SMARCA2: variants seen among roughly 807,000 people sequenced by gnomAD.
SMARCA2 encodes the protein SWI/SNF related BAF chromatin remodeling complex subunit ATPase 2, also known as SWI/SNF-related matrix-associated actin-dependent regulator of chromatin subfamily A member 2.
In SMARCA2, 61 loss-of-function variants were observed where a neutral mutation model predicts 199.8. The observed-to-expected ratio is 0.31, with a 90% CI of 0.25 to 0.38. SMARCA2 has a LOEUF of 0.38. Ranked by LOEUF, SMARCA2 falls within the 10% of genes least tolerant of loss-of-function variation. The pLI is 1.00. For synonymous variants in SMARCA2, 935 were observed against 732.0 expected, an observed-to-expected ratio of 1.28 and a Z score of -4.48; for missense variants, 1,344 against 2,012.2, an observed-to-expected ratio of 0.67 and a Z score of 6.35.
In SMARCA2 at chr9:2,161,569, T is replaced by G; in HGVS notation, c.3982-117T>G. 2.8e-6 allele frequency: 2 copies of G among 702,158 alleles called. No individual in the cohort carries two copies. Among genetic ancestry groups the G allele is most frequent in the Non-Finnish European group, 2.4e-6 (1 of 421,464 alleles). The allele number at this position is 702,158 out of a possible 1,614,324, so 43.5% of individuals were successfully genotyped here. ...ATTACTGTTAACTTTTACTTTTTTT[T>G]GGTTAATTTCTTTCATTTTATTCTA... On this transcript the variant is annotated intron_variant, in intron 27 of 33. Coordinates refer to ENST00000349721, the MANE Select transcript of SMARCA2 (RefSeq NM_003070.5). The surrounding 1 kb of genome is among the most constrained non-coding windows in gnomAD (Gnocchi z 4.7).
intron 27 of SMARCA2, chr9:2,159,674 C>T (rs1298080556): frequency 9.8e-7 from 1 of 1,025,386 alleles, no homozygotes; most frequent in African/African-American, 1.6e-5. Flanking sequence ...AAGGAGGAAG[C>T]CTTCGGGCCT....
At chr9:2,145,675 A>G (rs2130701692) in intron 27 of SMARCA2, among the ~76,000 whole-genome samples, 1 of 152,350 alleles carries the variant, frequency 6.6e-6, no homozygotes, top group East Asian at 1.9e-4. Flanking sequence ...TTAGTGTTCC[A>G]TAAATGGATA....
chr9:2,106,243 T>C (rs988897623), intron 23 of SMARCA2, among the ~76,000 whole-genome samples: 2 of 152,224 alleles, frequency 1.3e-5, no homozygotes, highest in Admixed American at 1.3e-4. Flanking sequence ...AGCTGAGTTT[T>C]AGCAGATCCA....
At chr9:2,077,601 T>A in intron 13 of SMARCA2, 28 bp from the exon 14 acceptor site, 2 of 1,607,434 alleles carry the variant, frequency 1.2e-6, no homozygotes, top group Non-Finnish European at 1.7e-6. Flanking sequence ...CATGTCTGTG[T>A]GTGATTCTCC....
At chr9:2,027,408 C>G (rs1221108047) in intron 1 of SMARCA2, among the ~76,000 whole-genome samples, 2 of 151,820 alleles carry the variant, frequency 1.3e-5, no homozygotes, top group African/African-American at 2.4e-5. Context: ...CTACTGTCCT[C>G]CAGCCTGGGC....
chr9:2,082,097 T>C (rs1341347693), intron 15 of SMARCA2, 102 bp downstream of exon 15: 1 of 959,546 alleles, frequency 1.0e-6, no homozygotes, highest in Non-Finnish European at 1.5e-6. Context: ...TTGTAGCATG[T>C]ACTAACCTAA....
At position 2,173,128 on chromosome 9, in the gene SMARCA2, C is replaced by T. The variant is rs183240606; in HGVS notation, c.4253+2656C>T. On this transcript the variant is annotated intron_variant, in intron 29 of 33. Coordinates refer to ENST00000349721, the MANE Select transcript of SMARCA2 (RefSeq NM_003070.5). ...TCTGCCCTGAGTGATCAGTGAACAG[C>T]GGTGCCATTTACAGAAATGAAGGTG... 2.5e-3 allele frequency among the ~76,000 whole-genome samples: 386 copies of T among 152,206 alleles called. 3 individuals carry two copies. The highest frequency in any genetic ancestry group is 8.3e-3 in the African/African-American group (345 of 41,534).
At chr9:2,081,283 G>C (rs1336339871) in intron 14 of SMARCA2, among the ~76,000 whole-genome samples, 2 of 152,136 alleles carry the variant, frequency 1.3e-5, no homozygotes, top group African/African-American at 4.8e-5. Context: ...TGCAGCCTTT[G>C]GGTAGTACTC....
chr9:2,087,502 T>C (rs1294225977), intron 18 of SMARCA2, among the ~76,000 whole-genome samples: 1 of 152,242 alleles, frequency 6.6e-6, no homozygotes, highest in African/African-American at 2.4e-5. Flanking sequence ...AAAGATTTTG[T>C]GTGTAAAACA....
chr9:2,150,528 G>T (rs1586758217), intron 27 of SMARCA2, among the ~76,000 whole-genome samples: 1 of 151,730 alleles, frequency 6.6e-6, no homozygotes, highest in South Asian at 2.1e-4. Context: ...TAGATTATAG[G>T]ATGGCAGGAA....
intron 9 of SMARCA2, 158 bp downstream of exon 9, chr9:2,061,144 G>A: frequency 1.5e-6 from 1 of 657,986 alleles, no homozygotes; most frequent in Admixed American, 3.0e-5. Flanking sequence ...TGGAAGTGTT[G>A]ATTAGGTACA....
intron 19 of SMARCA2, among the ~76,000 whole-genome samples, chr9:2,095,511 A>G (rs1393525080): frequency 6.6e-6 from 1 of 152,202 alleles, no homozygotes; most frequent in Non-Finnish European, 1.5e-5. Context: ...TTTTTCTTTC[A>G]CCTGGCCAAG....
At chr9:2,097,563 A>G in intron 21 of SMARCA2, 92 bp downstream of exon 21, 1 of 747,684 alleles carries the variant, frequency 1.3e-6, no homozygotes, top group Non-Finnish European at 2.2e-6. Flanking sequence ...AAAAAAACCA[A>G]AATAGATTTA....
chr9:2,132,820 T>C (rs1824022398), intron 27 of SMARCA2, among the ~76,000 whole-genome samples: 1 of 152,056 alleles, frequency 6.6e-6, no homozygotes, highest in Non-Finnish European at 1.5e-5. Flanking sequence ...TTGATAGTAA[T>C]AAAATAATTT....
Position 2,119,023 on chromosome 9 carries a change from A to G in SMARCA2, c.3685-435A>G, listed in dbSNP as rs1050310375. ...CTTATGTCTTTTGTAAGGATTTGAA[A>G]ATAAGCATTTATATTTGGCATAAGG... On this transcript the variant is annotated intron_variant, in intron 25 of 33. Transcript: ENST00000349721. The surrounding 1 kb of genome is among the most constrained non-coding windows in gnomAD (Gnocchi z 4.6). Among the ~76,000 whole-genome samples the G allele has an allele frequency of 2.0e-5, 3 of 152,226 alleles. No individual in the cohort carries two copies. Among genetic ancestry groups the G allele is most frequent in the African/African-American group, 7.2e-5 (3 of 41,458 alleles).
chr9:2,091,221 C>CA (rs1326024167), intron 19 of SMARCA2, among the ~76,000 whole-genome samples: 2 of 151,884 alleles, frequency 1.3e-5, no homozygotes, highest in Admixed American at 1.3e-4. Flanking sequence ...TCCACCGCTC[C>CA]AAAAAAAATT....
At chr9:2,184,911 C>G (rs1337202252) in intron 31 of SMARCA2, among the ~76,000 whole-genome samples, 1 of 152,040 alleles carries the variant, frequency 6.6e-6, no homozygotes, top group South Asian at 2.1e-4. Flanking sequence ...CTATATTGTT[C>G]ATTTGGTGCA....
intron 15 of SMARCA2, 146 bp downstream of exon 15, chr9:2,082,141 A>G: frequency 2.8e-6 from 2 of 712,814 alleles, no homozygotes; most frequent in Non-Finnish European, 4.6e-6. Context: ...ATCTGGATTT[A>G]GGTTTTAATT....
In SMARCA2 at chr9:2,170,715, T is replaced by C. The variant is rs1186807372; in HGVS notation, c.4253+243T>C. 6.6e-6 allele frequency among the ~76,000 whole-genome samples: 1 copy of C among 152,166 alleles called. No individual in the cohort carries two copies. Among genetic ancestry groups the C allele is most frequent in the African/African-American group, 2.4e-5 (1 of 41,446 alleles). On this transcript the variant is annotated intron_variant, in intron 29 of 33. Transcript: ENST00000349721. This position sits in a 1 kb window ranked among gnomAD's most constrained non-coding sequence, Gnocchi z 4.7. ...TATACATGCACTCCTTACAAGGGTA[T>C]TGGGAGCTCCTGGAAAGCCCGCCCT...
Sources: allele counts gnomAD v4.1 joint callset (sites outside exome capture counted in the v4.1 genomes callset), GRCh38; gene constraint gnomAD v4.1.1; non-coding constraint Gnocchi (gnomAD v3.1); transcripts MANE v1.5; gene names NCBI Gene and HGNC (gene_info 2026-07-23, HGNC 2026-07-21).